FHIT: variants seen among roughly 807,000 people sequenced by gnomAD.
FHIT encodes the protein fragile histidine triad diadenosine triphosphatase.
In FHIT, 19 loss-of-function variants were observed where a neutral mutation model predicts 17.9. The observed-to-expected ratio is 1.06, with a 90% CI of 0.74 to 1.56. The LOEUF is 1.56. FHIT is among the 40% of genes most tolerant of loss of function. FHIT has a pLI of 0.00. For synonymous variants in FHIT, 81 were observed against 69.7 expected (o/e 1.16, Z -0.81); for missense variants, 248 against 189.2 (o/e 1.31, Z -1.82).
At chr3:59,945,967 C>T (rs888043707) in intron 7 of FHIT, among the ~76,000 whole-genome samples, 2 of 152,104 alleles carry the variant, frequency 1.3e-5, no homozygotes, top group African/African-American at 2.4e-5. Flanking sequence ...AATGTGATGC[C>T]TCCAGCTTCA....
intron 5 of FHIT, among the ~76,000 whole-genome samples, chr3:60,094,802 GGA>G (rs10575196): frequency 0.15 from 20,669 of 138,972 alleles, 2,348 homozygotes; most frequent in African/African-American, 0.32. Flanking sequence ...AAGGGGTGGG[GGA>G]GAGAGAGAGA....
At chr3:61,246,797 G>A (rs1247089386) in intron 1 of FHIT, among the ~76,000 whole-genome samples, 3 of 151,860 alleles carry the variant, frequency 2.0e-5, no homozygotes, top group East Asian at 1.9e-4. Context: ...AAACCACCAC[G>A]GCACATGTAT....
intron 5 of FHIT, among the ~76,000 whole-genome samples, chr3:60,152,329 TCAA>T (rs1457894083): frequency 6.6e-6 from 1 of 152,206 alleles, no homozygotes; most frequent in Non-Finnish European, 1.5e-5. Flanking sequence ...TCTCATGTCT[TCAA>T]CAACTTGACT....
At chr3:59,764,025 G>A (rs186682254) in intron 8 of FHIT, among the ~76,000 whole-genome samples, 1 of 152,278 alleles carries the variant, frequency 6.6e-6, no homozygotes, top group Non-Finnish European at 1.5e-5. Context: ...CAAACTCAGT[G>A]AGCTGAAGGT....
intron 5 of FHIT, among the ~76,000 whole-genome samples, chr3:60,498,261 A>G (rs1388037740): frequency 6.6e-6 from 1 of 152,208 alleles, no homozygotes; most frequent in African/African-American, 2.4e-5. Context: ...CAGTGTAAAA[A>G]TTTTGTACTA....
At chr3:60,666,469 C>T (rs1025973277) in intron 4 of FHIT, among the ~76,000 whole-genome samples, 1 of 152,032 alleles carries the variant, frequency 6.6e-6, no homozygotes, top group Non-Finnish European at 1.5e-5. Flanking sequence ...AATTGGTATT[C>T]CTCTATAGGT....
intron 8 of FHIT, among the ~76,000 whole-genome samples, chr3:59,836,396 A>G (rs1666442594): frequency 6.6e-6 from 1 of 152,122 alleles, no homozygotes; most frequent in African/African-American, 2.4e-5. Flanking sequence ...TAAGTAGGAG[A>G]CCCAGGACAT....
intron 2 of FHIT, among the ~76,000 whole-genome samples, chr3:61,057,585 C>A (rs1365307261): frequency 6.6e-6 from 1 of 152,072 alleles, no homozygotes; most frequent in African/African-American, 2.4e-5. Context: ...ATTCTCTGAA[C>A]ACCAAGGAAC....
At chr3:59,889,080 G>A (rs1337945751) in intron 8 of FHIT, among the ~76,000 whole-genome samples, 1 of 152,136 alleles carries the variant, frequency 6.6e-6, no homozygotes, top group East Asian at 1.9e-4. Context: ...TTGTTCTGGG[G>A]ATTACGTTTC....
At position 59,937,463 on chromosome 3, in the gene FHIT, A is replaced by T. The variant is rs142288206; in HGVS notation, c.280-15049T>A. ...GTGGGTTGGCACAATTTATTTAAAC[A>T]TCGTCAGGAGGGACTCATTTTGGTG... On this transcript the variant is annotated intron_variant, in intron 7 of 9. Transcript: ENST00000492590. 9.3e-3 allele frequency among the ~76,000 whole-genome samples: 1,418 copies of T among 152,264 alleles called. 12 individuals are homozygous for T. Among genetic ancestry groups the T allele is most frequent in the Non-Finnish European group, 0.014 (960 of 68,018 alleles).
intron 5 of FHIT, among the ~76,000 whole-genome samples, chr3:60,375,455 A>G (rs1700513643): frequency 1.3e-5 from 2 of 151,664 alleles, no homozygotes; most frequent in South Asian, 4.2e-4. Flanking sequence ...TACACCAGTA[A>G]CCCCAGCTAT....
intron 3 of FHIT, among the ~76,000 whole-genome samples, chr3:60,903,378 T>A (rs1284482389): frequency 2.6e-5 from 4 of 152,250 alleles, no homozygotes; most frequent in African/African-American, 4.8e-5. Flanking sequence ...AAGTAACTTT[T>A]TAAACCCATT....
chr3:60,923,591 G>C (rs1707404621), intron 3 of FHIT, among the ~76,000 whole-genome samples: 1 of 152,108 alleles, frequency 6.6e-6, no homozygotes, highest in African/African-American at 2.4e-5. Context: ...AGCCAAGATG[G>C]CCGAATAGGA....
chr3:59,992,430 A>G (rs1017993626), intron 7 of FHIT, among the ~76,000 whole-genome samples: 8 of 152,110 alleles, frequency 5.3e-5, no homozygotes, highest in Non-Finnish European at 1.0e-4. Context: ...AATTGGACCG[A>G]TAAGTACAGT....
At chr3:60,473,131 A>C (rs1213301727) in intron 5 of FHIT, among the ~76,000 whole-genome samples, 3 of 152,226 alleles carry the variant, frequency 2.0e-5, no homozygotes, top group South Asian at 2.1e-4. Context: ...AATGATGCAA[A>C]GAAATTTTGA....
intron 5 of FHIT, among the ~76,000 whole-genome samples, chr3:60,157,251 T>C (rs1576219597): frequency 6.6e-6 from 1 of 152,116 alleles, no homozygotes; most frequent in African/African-American, 2.4e-5. Context: ...CCACAGTGAA[T>C]GATCGGTTAT....
intron 3 of FHIT, among the ~76,000 whole-genome samples, chr3:60,974,856 C>CCCATTCTTGAAGTTCCAAAGTTAGAG (rs1710169367): frequency 6.6e-6 from 1 of 152,108 alleles, no homozygotes; most frequent in African/African-American, 2.4e-5. Flanking sequence ...ATAACATAGC[C>CCCATTCTTGAAGTTCCAAAGTTAGAG]CCATTCTTGA....
intron 4 of FHIT, chr3:60,617,982 G>T (rs2039002947): frequency 1.1e-5 from 3 of 268,852 alleles, no homozygotes; most frequent in East Asian, 1.2e-4. Context: ...TCAAATCAAA[G>T]AATTAGTAAA....
At chr3:60,319,731 G>A (rs192382376) in intron 5 of FHIT, among the ~76,000 whole-genome samples, 3 of 152,294 alleles carry the variant, frequency 2.0e-5, no homozygotes, top group African/African-American at 7.2e-5. Flanking sequence ...GAAGCTTCCA[G>A]AGACACTGAG....
Sources: gnomAD v4.1 joint callset for allele counts (sites outside exome capture counted in the v4.1 genomes callset) on GRCh38, gnomAD v4.1.1 for gene constraint, MANE v1.5 for transcripts, NCBI Gene and HGNC (gene_info 2026-07-23, HGNC 2026-07-21) for gene names.